The following SETBP1 variants were observed in gnomAD, a reference collection of about 807,000 sequenced individuals.
SETBP1 encodes SET-binding protein.
A neutral mutation model predicts 101.0 loss-of-function variants in SETBP1; 9 were observed. That is an observed-to-expected ratio of 0.09 (90% confidence interval 0.05 to 0.16). The LOEUF (loss-of-function observed/expected upper bound fraction) is 0.16. Among genes scored for constraint, SETBP1 ranks in the 10% least tolerant of loss-of-function variants. The probability of loss-of-function intolerance (pLI) is 1.00; values close to 1 mark genes in which losing one functional copy is unlikely to be tolerated. For missense variants in SETBP1, 1,858 were observed against 2,033.8 expected (o/e 0.91, Z 1.66); for synonymous variants, 818 against 788.5 (o/e 1.04, Z -0.63).
Position 44,776,892 on chromosome 18 carries a change from G to A in SETBP1, c.486+75060G>A, listed in dbSNP as rs879692504. ...CTGGGCATTCTGCTCCTACTTTGTC[G>A]CTGGGTGACTCAGTTTCCACACTGG... On this transcript the variant is annotated intron_variant, in intron 2 of 5. Transcript: ENST00000649279. Among the ~76,000 whole-genome samples the A allele has an allele frequency of 7.9e-5, 12 of 152,188 alleles. No individual in the cohort carries two copies. The South Asian group carries it at 8.3e-4, about 11-fold the overall frequency.
chr18:44,730,323 G>A (rs565549945), intron 2 of SETBP1, among the ~76,000 whole-genome samples: 1 of 152,306 alleles, frequency 6.6e-6, no homozygotes, highest in African/African-American at 2.4e-5. Flanking sequence ...TAATTCAGCT[G>A]TCAGATACTG....
intron 2 of SETBP1, among the ~76,000 whole-genome samples, chr18:44,828,882 A>G (rs559368853): frequency 2.2e-4 from 34 of 152,358 alleles, no homozygotes; most frequent in African/African-American, 8.2e-4. Context: ...GCTGTCTGCA[A>G]GCTAGGAAAA....
chr18:44,874,019 G>A (rs940581825), intron 3 of SETBP1, among the ~76,000 whole-genome samples: 1 of 152,184 alleles, frequency 6.6e-6, no homozygotes, highest in African/African-American at 2.4e-5. Context: ...ACCCCAGCGT[G>A]CCACTGGGAT....
Position 44,932,360 on chromosome 18 carries a change from C to T in SETBP1, c.541-17521C>T, listed in dbSNP as rs151202305. On this transcript the variant is annotated intron_variant, in intron 3 of 5. Transcript: ENST00000649279. The stretch of plus-strand genomic sequence containing the variant: ...TGGGTAACCCGACCTTTATCTCTGG[C>T]TGCCCTTAACATTATTTCCTTCATT... Among the ~76,000 whole-genome samples, 1,297 of 152,338 alleles carry T rather than the reference C, an allele frequency of 8.5e-3. 12 individuals carry two copies. The highest frequency in any genetic ancestry group is 0.019 in the South Asian group (91 of 4,826).
rs2071353992 is a variant in SETBP1, at chr18:44,951,630, A to G, written c.2290A>G (p.Asn764Asp). 6 of 1,614,188 alleles carry G rather than the reference A, an allele frequency of 3.7e-6. No homozygotes were observed. The highest frequency in any genetic ancestry group is 5.1e-6 in the Non-Finnish European group (6 of 1,180,038). Residue 764 changes from asparagine to aspartate, a missense_variant, in exon 4 of 6, where the codon AAC (asparagine) becomes GAC (aspartate). By Grantham distance (23) the Asn-to-Asp change is conservative. Transcript: ENST00000649279. The surrounding 1 kb of genome is among the most constrained non-coding windows in gnomAD (Gnocchi z 7.8). ...SQPDVPAVPSNFQSLVASSPA... is the reference protein window; with the variant it reads ...SQPDVPAVPSDFQSLVASSPA... Reference sequence around the variant, plus strand: ...GCCGGATGTTCCAGCCGTGCCTTCCAACTTTCAGTCACTTGTGGCGTCTTC... The same window carrying G: ...GCCGGATGTTCCAGCCGTGCCTTCCGACTTTCAGTCACTTGTGGCGTCTTC...
At chr18:44,777,936 C>T (rs540600745) in intron 2 of SETBP1, among the ~76,000 whole-genome samples, 1 of 152,354 alleles carries the variant, frequency 6.6e-6, no homozygotes, top group Non-Finnish European at 1.5e-5. Context: ...CTTCCCATTT[C>T]TGAACCCGAC....
At chr18:44,705,001 C>T (rs1309574331) in intron 2 of SETBP1, among the ~76,000 whole-genome samples, 1 of 151,982 alleles carries the variant, frequency 6.6e-6, no homozygotes, top group East Asian at 1.9e-4. Flanking sequence ...TAGGGAGTCA[C>T]CTGAATATAT....
At chr18:44,872,227 C>CT (rs1309431260) in intron 3 of SETBP1, 1 of 152,034 alleles carries the variant, frequency 6.6e-6, no homozygotes, top group Admixed American at 6.6e-5. Context: ...TTCTTTTATG[C>CT]TTTTTTCCCT....
At chr18:44,814,415 TA>T (rs903440762) in intron 2 of SETBP1, among the ~76,000 whole-genome samples, 5 of 152,318 alleles carry the variant, frequency 3.3e-5, no homozygotes, top group African/African-American at 9.6e-5. Context: ...GCTGATTTTT[TA>T]AAAATTGAAT....
intron 3 of SETBP1, among the ~76,000 whole-genome samples, chr18:44,941,076 A>AATTTTTTTTTTTTTTTTTTTTTTTTT (rs1568228554): frequency 8.0e-6 from 1 of 124,940 alleles, no homozygotes; most frequent in African/African-American, 2.9e-5. Flanking sequence ...GAGAAGTCAG[A>AATTTTTTTTTTTTTTTTTTTTTTTTT]CTTTTTTTTT....
intron 2 of SETBP1, among the ~76,000 whole-genome samples, chr18:44,807,810 G>A (rs1256860532): frequency 3.3e-5 from 5 of 152,142 alleles, no homozygotes; most frequent in Admixed American, 3.3e-4. Flanking sequence ...TTCCAGTTAG[G>A]GGGGAAAATG....
chr18:44,828,289 T>G, intron 2 of SETBP1, among the ~76,000 whole-genome samples: 1 of 152,196 alleles, frequency 6.6e-6, no homozygotes, highest in Admixed American at 6.5e-5. Flanking sequence ...AAACAGGTTA[T>G]CCATGGCCTT....
At chr18:44,862,988 G>A (rs2144647039) in intron 2 of SETBP1, among the ~76,000 whole-genome samples, 1 of 152,252 alleles carries the variant, frequency 6.6e-6, no homozygotes, top group East Asian at 1.9e-4. Flanking sequence ...ACAGAGGTTT[G>A]TTTGTTTGTT....
intron 3 of SETBP1, among the ~76,000 whole-genome samples, chr18:44,915,787 T>C (rs1401316240): frequency 6.6e-6 from 1 of 152,204 alleles, no homozygotes; most frequent in African/African-American, 2.4e-5. Context: ...TCTCTAATCT[T>C]ATTCTGTCCC....
rs1048299315 is a variant in SETBP1, at chr18:44,794,631, A to G, written c.487-74599A>G. On this transcript the variant is annotated intron_variant, in intron 2 of 5. Transcript: ENST00000649279. ...TGCTGGGAAGTCACAAAGGGTTGCA[A>G]TGACCCCAGCCCTCTTGGTGTCGTT... 7.2e-5 allele frequency among the ~76,000 whole-genome samples: 11 copies of G among 152,150 alleles called. 1 individual carries two copies. The highest frequency in any genetic ancestry group is 1.6e-4 in the Non-Finnish European group (11 of 68,024).
At chr18:44,688,344 T>G (rs1001556944) in intron 1 of SETBP1, among the ~76,000 whole-genome samples, 1 of 152,194 alleles carries the variant, frequency 6.6e-6, no homozygotes, top group Non-Finnish European at 1.5e-5. Context: ...TGGAACCAAC[T>G]TAGTAGCCCA....
At chr18:44,991,925 G>C (rs1015119312) in intron 4 of SETBP1, among the ~76,000 whole-genome samples, 1 of 152,168 alleles carries the variant, frequency 6.6e-6, no homozygotes, top group African/African-American at 2.4e-5. Flanking sequence ...CAATGTCATA[G>C]AGATTGTATT....
chr18:44,722,475 T>C (rs1020643605), intron 2 of SETBP1, among the ~76,000 whole-genome samples: 2 of 152,184 alleles, frequency 1.3e-5, no homozygotes, highest in African/African-American at 4.8e-5. Flanking sequence ...AGAGTAGTAT[T>C]TGCTACCAAT....
chr18:44,722,729 G>A (rs1599034368), intron 2 of SETBP1, among the ~76,000 whole-genome samples: 2 of 152,188 alleles, frequency 1.3e-5, no homozygotes, highest in Admixed American at 1.3e-4. Context: ...GGTCACTAAA[G>A]GATTCCCATC....
Sources: gnomAD v4.1 joint callset for allele counts (sites outside exome capture counted in the v4.1 genomes callset) on GRCh38, gnomAD v4.1.1 for gene constraint, Gnocchi (gnomAD v3.1) non-coding constraint, MANE v1.5 for transcripts, NCBI Gene and HGNC (gene_info 2026-07-23, HGNC 2026-07-21) for gene names.